COL6A6: variants seen among roughly 807,000 people sequenced by gnomAD.
The protein encoded by COL6A6 is collagen type VI alpha 6 chain.
COL6A6 carries 183 observed loss-of-function variants against 208.6 expected under a neutral mutation model. The observed-to-expected ratio is 0.88, with a 90% CI of 0.78 to 0.99. The LOEUF (loss-of-function observed/expected upper bound fraction) is 0.99, where lower values mean the gene tolerates loss of function less well. Ranked by LOEUF, COL6A6 falls within the 50% of genes least tolerant of loss-of-function variation. COL6A6 has a pLI of 0.00. For missense variants in COL6A6, 2,816 were observed against 2,815.2 expected, an observed-to-expected ratio of 1.00 and a Z score of -0.01; for synonymous variants, 973 against 1,011.8, an observed-to-expected ratio of 0.96 and a Z score of 0.73.
rs1284232468 is a variant in COL6A6, at chr3:130,621,858, G to C, written c.4853G>C (p.Gly1618Ala). Residue 1618 changes from glycine (G) to alanine (A), a missense_variant, in exon 24 of 37, where the codon GGC becomes GCC. By Grantham distance (60) the Gly-to-Ala change is moderately conservative. Transcript: ENST00000358511. ...CCCGGAGGAGAGGCAGGGAATCAAGGCCGTTTGGGAAGCCAAGGAAATAAA... is the reference window on the plus strand; with the variant it reads ...CCCGGAGGAGAGGCAGGGAATCAAGCCCGTTTGGGAAGCCAAGGAAATAAA... ...PGPGGEAGNQ[G>A]RLGSQGNKGE... The C allele has an allele frequency of 2.5e-6, 4 of 1,613,888 alleles. No individual in the cohort carries two copies. Among genetic ancestry groups the C allele is most frequent in the Non-Finnish European group, 3.4e-6 (4 of 1,179,820 alleles).
intron 6 of COL6A6, among the ~76,000 whole-genome samples, chr3:130,569,204 A>G (rs148645335): frequency 2.6e-5 from 4 of 152,300 alleles, no homozygotes; most frequent in Admixed American, 2.0e-4. Context: ...TATTTTTGCA[A>G]TTTCTAAAGA....
chr3:130,627,220 C>A (rs2064916379), intron 25 of COL6A6, 99 bp from the exon 26 acceptor site: 2 of 1,161,946 alleles, frequency 1.7e-6, no homozygotes, highest in Non-Finnish European at 2.6e-6. Flanking sequence ...CCTGCTTTTC[C>A]TTTATCAAAC....
chr3:130,549,866 C>CT (rs1231753015), intron 1 of COL6A6, among the ~76,000 whole-genome samples: 1 of 152,120 alleles, frequency 6.6e-6, no homozygotes, highest in African/African-American at 2.4e-5. Flanking sequence ...TATTTAGGCT[C>CT]TTTTTTGGTT....
At chr3:130,545,001 C>G (rs1013705596) in intron 1 of COL6A6, among the ~76,000 whole-genome samples, 1 of 152,140 alleles carries the variant, frequency 6.6e-6, no homozygotes, top group African/African-American at 2.4e-5. Context: ...CTTTGCTGTG[C>G]TGAAACATTT....
At chr3:130,673,219 A>ACC (rs1559810201) in intron 36 of COL6A6, among the ~76,000 whole-genome samples, 5 of 109,630 alleles carry the variant, frequency 4.6e-5, no homozygotes, top group African/African-American at 2.9e-4. Context: ...AAAAAAAACA[A>ACC]AAAAAAAAAA....
In COL6A6 at chr3:130,563,681, T is replaced by C; in HGVS notation, c.661+17T>C. On this transcript the variant is annotated intron_variant, in intron 3 of 36. Transcript: ENST00000358511. ...TTGTAGAAGGTGGGCTTAGGATATGTGTATAGGAATGATGATAAAACGCTT... is the reference window on the plus strand; with the variant it reads ...TTGTAGAAGGTGGGCTTAGGATATGCGTATAGGAATGATGATAAAACGCTT... 6.7e-7 allele frequency: 1 copy of C among 1,489,410 alleles called. No individual in the cohort carries two copies. The highest frequency in any genetic ancestry group is 1.8e-4 in the Middle Eastern group (1 of 5,656). 92.3% of individuals were successfully genotyped at this position (1,489,410 alleles called of 1,614,324 possible).
At chr3:130,550,244 T>A (rs1262719087) in intron 1 of COL6A6, among the ~76,000 whole-genome samples, 1 of 152,204 alleles carries the variant, frequency 6.6e-6, no homozygotes, top group Non-Finnish European at 1.5e-5. Flanking sequence ...TAGAATCATA[T>A]TGTCTGCAAA....
chr3:130,545,922 ACTT>A (rs1454030926), intron 1 of COL6A6, among the ~76,000 whole-genome samples: 1 of 151,778 alleles, frequency 6.6e-6, no homozygotes, highest in African/African-American at 2.4e-5. Flanking sequence ...TATTACTTCT[ACTT>A]CTTTTTTTCT....
At chr3:130,668,077 A>G (rs939558030) in intron 36 of COL6A6, among the ~76,000 whole-genome samples, 14 of 151,888 alleles carry the variant, frequency 9.2e-5, no homozygotes, top group Non-Finnish European at 2.1e-4. Context: ...AGGCACAAAG[A>G]CAGCAGAATC....
rs1359386421 is a variant in COL6A6 at position 130,573,953 on chromosome 3, T to C, written c.2978-3T>C. On this transcript the variant is annotated splice_polypyrimidine_tract_variant and splice_region_variant and intron_variant, in intron 7 of 36. Transcript: ENST00000358511. ...TTTCTGTTGTTCCTTCTCTTCTTTG[T>C]AGATTGTGAAATTGACAAAGTAGAT... 1.9e-6 allele frequency: 3 copies of C among 1,585,432 alleles called. No homozygotes were observed. Among genetic ancestry groups the C allele is most frequent in the Non-Finnish European group, 2.6e-6 (3 of 1,155,124 alleles).
At chr3:130,614,647 T>C (rs1462854224) in intron 23 of COL6A6, among the ~76,000 whole-genome samples, 1 of 152,124 alleles carries the variant, frequency 6.6e-6, no homozygotes, top group African/African-American at 2.4e-5. Context: ...CCTGGCTGTT[T>C]TTTGGTTGGT....
intron 11 of COL6A6, 105 bp downstream of exon 11, chr3:130,586,765 T>C (rs1241015070): frequency 1.8e-6 from 2 of 1,142,696 alleles, no homozygotes; most frequent in East Asian, 5.2e-5. Context: ...TATTTGGGAG[T>C]GAAGAAAGGT....
At chr3:130,552,822 CCGT>C (rs74310653) in intron 1 of COL6A6, among the ~76,000 whole-genome samples, 129,991 of 151,780 alleles carry the variant, frequency 0.86, 56,125 homozygotes, top group African/African-American at 0.9. Flanking sequence ...CTTTTAAGGA[CCGT>C]CTCTCTTAAG....
At chr3:130,656,889 C>T (rs748804225) in intron 33 of COL6A6, among the ~76,000 whole-genome samples, 20 of 152,260 alleles carry the variant, frequency 1.3e-4, no homozygotes, top group Non-Finnish European at 2.4e-4. Context: ...CTGGGCTCAG[C>T]CTCAACTTTG....
At chr3:130,635,650 T>C in intron 27 of COL6A6, 49 bp from the exon 28 acceptor site, 1 of 1,207,960 alleles carries the variant, frequency 8.3e-7, no homozygotes, top group East Asian at 2.5e-5. Context: ...ATGTTACATA[T>C]GTATATGTTT....
At chr3:130,544,634 A>AC (rs148046056) in intron 1 of COL6A6, among the ~76,000 whole-genome samples, 5,843 of 152,272 alleles carry the variant, frequency 0.038, 193 homozygotes, top group African/African-American at 0.084. Context: ...CAGTGGCTGC[A>AC]CCAATCTACA....
intron 1 of COL6A6, among the ~76,000 whole-genome samples, chr3:130,550,098 C>T (rs928599101): frequency 6.6e-6 from 1 of 152,028 alleles, no homozygotes; most frequent in Non-Finnish European, 1.5e-5. Flanking sequence ...CTTGATTTGG[C>T]TCTCATCTTG....
rs372038797 is a variant in COL6A6, at chr3:130,565,512, G to A, written c.1180G>A (p.Ala394Thr). Residue 394 changes from alanine to threonine, a missense_variant, in exon 4 of 37, where the codon GCT becomes ACT. Physicochemically the swap from Ala to Thr is moderately conservative, Grantham distance 58. Transcript: ENST00000358511. ...EQYVSKLKTFADLAAHNQTFL... is the reference protein window; with the variant it reads ...EQYVSKLKTFTDLAAHNQTFL... ...GTATGTCTCCAAACTGAAGACCTTC[G>A]CTGACCTGGCTGCTCACAACCAGAC... is the stretch of plus-strand genomic sequence containing the variant. The A allele has an allele frequency of 3.4e-5, 55 of 1,613,846 alleles. No homozygotes were observed. The highest frequency in any genetic ancestry group is 4.5e-5 in the East Asian group (2 of 44,894).
At chr3:130,606,345 T>C (rs1410432498) in intron 20 of COL6A6, among the ~76,000 whole-genome samples, 1 of 152,036 alleles carries the variant, frequency 6.6e-6, no homozygotes, top group African/African-American at 2.4e-5. Context: ...TGATTGAATA[T>C]TAATATACTG....
Sources: gnomAD v4.1 joint callset for allele counts (sites outside exome capture counted in the v4.1 genomes callset) on GRCh38, gnomAD v4.1.1 for gene constraint, MANE v1.5 for transcripts, NCBI Gene and HGNC (gene_info 2026-07-23, HGNC 2026-07-21) for gene names.